SLC25A12: variants seen among roughly 807,000 people sequenced by gnomAD.
The protein encoded by SLC25A12 is electrogenic aspartate/glutamate antiporter SLC25A12, mitochondrial.
A neutral mutation model predicts 83.3 loss-of-function variants in SLC25A12; 32 were observed. That is an observed-to-expected ratio of 0.38 (90% confidence interval 0.29 to 0.52). The LOEUF (loss-of-function observed/expected upper bound fraction) is 0.52. Ranked by LOEUF, SLC25A12 falls within the 20% of genes least tolerant of loss-of-function variation. The pLI, the probability that SLC25A12 is intolerant of heterozygous loss-of-function variation, is 0.84. For missense variants in SLC25A12, 611 were observed against 835.6 expected (o/e 0.73, Z 3.31); for synonymous variants, 267 against 291.1 (o/e 0.92, Z 0.84).
At chr2:171,852,084 A>C (rs1260443892) in intron 4 of SLC25A12, among the ~76,000 whole-genome samples, 1 of 152,198 alleles carries the variant, frequency 6.6e-6, no homozygotes, top group Non-Finnish European at 1.5e-5. Flanking sequence ...GGCATGCATT[A>C]GAAGTTTTAT....
At chr2:171,839,177 T>C (rs1467795836) in intron 5 of SLC25A12, among the ~76,000 whole-genome samples, 1 of 152,128 alleles carries the variant, frequency 6.6e-6, no homozygotes, top group African/African-American at 2.4e-5. Context: ...TTTAAAAAAG[T>C]CAGCTCTCAA....
intron 5 of SLC25A12, among the ~76,000 whole-genome samples, chr2:171,840,615 T>C (rs543443969): frequency 6.6e-6 from 1 of 151,958 alleles, no homozygotes; most frequent in South Asian, 2.1e-4. Flanking sequence ...TCCTGAAAAT[T>C]AGAAATACAG....
chr2:171,881,093 A>T (rs1177083301), intron 2 of SLC25A12, among the ~76,000 whole-genome samples: 3 of 152,178 alleles, frequency 2.0e-5, no homozygotes, highest in African/African-American at 7.2e-5. Flanking sequence ...CACAGTAAGC[A>T]TTAGCTATTA....
intron 2 of SLC25A12, among the ~76,000 whole-genome samples, chr2:171,885,428 C>T (rs1685797124): frequency 6.6e-6 from 1 of 151,596 alleles, no homozygotes; most frequent in African/African-American, 2.4e-5. Flanking sequence ...GCCTGTAATC[C>T]CAACACTTTG....
At chr2:171,844,537 T>A (rs1414182159) in intron 4 of SLC25A12, 29 bp from the exon 5 acceptor site, 1 of 1,457,172 alleles carries the variant, frequency 6.9e-7, no homozygotes, top group Non-Finnish European at 9.6e-7. Context: ...AATAAATCAA[T>A]TATATCTGGA....
intron 13 of SLC25A12, among the ~76,000 whole-genome samples, chr2:171,802,551 T>G (rs1683730401): frequency 6.6e-6 from 1 of 151,982 alleles, no homozygotes; most frequent in African/African-American, 2.4e-5. Context: ...CTGAAGTGGG[T>G]GGATCACGAG....
At chr2:171,793,123 GTTTT>G (rs79549051) in intron 14 of SLC25A12, among the ~76,000 whole-genome samples, 2 of 129,700 alleles carry the variant, frequency 1.5e-5, no homozygotes, top group African/African-American at 2.8e-5. Flanking sequence ...TTGTTGGTTT[GTTTT>G]TTTTTTTTTT....
At chr2:171,876,548 G>T (rs868326568) in intron 2 of SLC25A12, among the ~76,000 whole-genome samples, 1 of 143,670 alleles carries the variant, frequency 7.0e-6, no homozygotes, top group East Asian at 2.3e-4. Flanking sequence ...TTTTTTGGGG[G>T]GGGGGGGACT....
chr2:171,824,143 C>T (rs879537206), intron 9 of SLC25A12, among the ~76,000 whole-genome samples: 9 of 152,172 alleles, frequency 5.9e-5, no homozygotes, highest in Non-Finnish European at 1.3e-4. Context: ...TGGTTTTTAT[C>T]ACTGCCCATT....
chr2:171,873,424 T>G (rs1298183923), intron 2 of SLC25A12, among the ~76,000 whole-genome samples: 4 of 151,910 alleles, frequency 2.6e-5, no homozygotes, highest in Non-Finnish European at 5.9e-5. Flanking sequence ...CTCCAGCCTG[T>G]GCGACAGAGC....
chr2:171,849,860 G>T (rs1684884909), intron 4 of SLC25A12, among the ~76,000 whole-genome samples: 1 of 151,708 alleles, frequency 6.6e-6, no homozygotes, highest in African/African-American at 2.4e-5. Context: ...CCGGCCCAGT[G>T]GCGTGATCTT....
chr2:171,862,754 T>A (rs1327881873), intron 3 of SLC25A12, among the ~76,000 whole-genome samples: 1 of 152,188 alleles, frequency 6.6e-6, no homozygotes, highest in African/African-American at 2.4e-5. Context: ...ATAACATATC[T>A]ATAGGACTCA....
intron 13 of SLC25A12, among the ~76,000 whole-genome samples, chr2:171,805,048 T>C (rs1683795233): frequency 6.6e-6 from 1 of 152,210 alleles, no homozygotes; most frequent in Admixed American, 6.5e-5. Context: ...GGGAGTTGTA[T>C]GGTACGTTAA....
At chr2:171,886,371 G>C (rs56398777) in intron 2 of SLC25A12, among the ~76,000 whole-genome samples, 134 of 150,088 alleles carry the variant, frequency 8.9e-4, no homozygotes, top group African/African-American at 3.2e-3. Context: ...TGGGACTATA[G>C]GCTCATGCCA....
intron 2 of SLC25A12, among the ~76,000 whole-genome samples, chr2:171,877,452 C>G (rs1459029226): frequency 6.6e-6 from 1 of 151,894 alleles, no homozygotes. Flanking sequence ...GGATCACGAG[C>G]TCAGGAGTTT....
intron 2 of SLC25A12, among the ~76,000 whole-genome samples, chr2:171,880,013 G>A (rs1352882320): frequency 6.6e-6 from 1 of 152,112 alleles, no homozygotes; most frequent in Admixed American, 6.5e-5. Context: ...TGATAATGGT[G>A]TTATGATTTG....
chr2:171,809,485 G>A (rs1683906843), intron 13 of SLC25A12, 121 bp downstream of exon 13: 2 of 821,536 alleles, frequency 2.4e-6, no homozygotes, highest in Middle Eastern at 2.2e-4. Context: ...TATGATTATT[G>A]AGAAAACCTG....
chr2:171,828,279 T>G (rs1332126038), intron 8 of SLC25A12, among the ~76,000 whole-genome samples: 2 of 152,204 alleles, frequency 1.3e-5, no homozygotes, highest in Admixed American at 6.5e-5. Flanking sequence ...TCTTTCCTAG[T>G]TAAAGTCCCT....
chr2:171,859,005 G>A (rs573660367), intron 3 of SLC25A12, among the ~76,000 whole-genome samples: 1 of 152,282 alleles, frequency 6.6e-6, no homozygotes, highest in Admixed American at 6.5e-5. Context: ...AAAGGCAAAC[G>A]TTAAGTGATC....
Sources: gnomAD v4.1 joint callset for allele counts (sites outside exome capture counted in the v4.1 genomes callset) on GRCh38, gnomAD v4.1.1 for gene constraint, MANE v1.5 for transcripts, NCBI Gene and HGNC (gene_info 2026-07-23, HGNC 2026-07-21) for gene names.